The following CEP126 variants were observed in gnomAD, a reference collection of about 807,000 sequenced individuals.
The protein encoded by CEP126 is centrosomal protein of 126 kDa.
In CEP126, 74 loss-of-function variants were observed where a neutral mutation model predicts 107.8. The observed-to-expected ratio is 0.69, with a 90% CI of 0.57 to 0.83. The LOEUF (loss-of-function observed/expected upper bound fraction) is 0.83. Among genes scored for constraint, CEP126 ranks in the 40% least tolerant of loss-of-function variants. The pLI, the probability that CEP126 is intolerant of heterozygous loss-of-function variation, is 0.00. For missense variants in CEP126, 1,237 were observed against 1,281.9 expected, an observed-to-expected ratio of 0.96 and a Z score of 0.53; for synonymous variants, 449 against 446.0, an observed-to-expected ratio of 1.01 and a Z score of -0.08.
At chr11:101,968,784 G>T (rs10895232) in intron 6 of CEP126, among the ~76,000 whole-genome samples, 1 of 152,092 alleles carries the variant, frequency 6.6e-6, no homozygotes, top group Admixed American at 6.5e-5. Flanking sequence ...GAGAAATTTT[G>T]TAGGAAAATG....
At chr11:101,926,433 A>G (rs1455195388) in intron 2 of CEP126, among the ~76,000 whole-genome samples, 1 of 152,272 alleles carries the variant, frequency 6.6e-6, no homozygotes, top group African/African-American at 2.4e-5. Context: ...CAGTGTTGAT[A>G]GTACACGTTA....
Position 101,955,427 on chromosome 11 carries a change from G to A in CEP126, c.507-2741G>A, listed in dbSNP as rs765232558. ...AGTGTGGCAGTTGATCCTGAACTAC[G>A]TGCTACACTGAGAAATCTGGCCAGA... On this transcript the variant is annotated intron_variant, in intron 4 of 10. Transcript: ENST00000263468. Among the ~76,000 whole-genome samples the A allele has an allele frequency of 2.6e-4, 40 of 152,096 alleles. 1 individual carries two copies. Among genetic ancestry groups the A allele is most frequent in the Non-Finnish European group, 4.4e-4 (30 of 68,012 alleles).
intron 4 of CEP126, chr11:101,956,426 G>A: frequency 2.2e-6 from 1 of 456,310 alleles, no homozygotes; most frequent in African/African-American, 2.0e-5. Context: ...CCAGCAATCT[G>A]TTCCACAAGC....
At chr11:101,990,522 T>C (rs896234015) in intron 9 of CEP126, among the ~76,000 whole-genome samples, 4 of 151,160 alleles carry the variant, frequency 2.6e-5, no homozygotes, top group Non-Finnish European at 4.4e-5. Context: ...GGTGGGAGGG[T>C]CTAAAATTCT....
intron 6 of CEP126, among the ~76,000 whole-genome samples, chr11:101,968,478 T>C (rs1941086094): frequency 6.6e-6 from 1 of 152,124 alleles, no homozygotes; most frequent in Admixed American, 6.5e-5. Flanking sequence ...GGAGATTAGA[T>C]AGAATAAATG....
chr11:101,944,562 TA>T (rs1940710949), intron 3 of CEP126, 152 bp downstream of exon 3: 1 of 687,672 alleles, frequency 1.5e-6, no homozygotes, highest in African/African-American at 1.9e-5. Flanking sequence ...CAAAGAAAAA[TA>T]GTCAATTGAT....
In CEP126 at chr11:101,922,938, G is replaced by T. The variant is rs1346414814; in HGVS notation, c.248+178G>T. Among the ~76,000 whole-genome samples the T allele has an allele frequency of 2.0e-5, 3 of 152,262 alleles. No homozygotes were observed. In the East Asian group the frequency reaches 5.8e-4, roughly 29 times the overall value. ...TTGTTTTCCTTCCCAAAGCACAAGG[G>T]TGGTGGTGTATTATCTAGGTCTCTG... On this transcript the variant is annotated intron_variant, in intron 2 of 10. Coordinates refer to ENST00000263468, the MANE Select transcript of CEP126 (RefSeq NM_020802.4).
At chr11:101,964,568 A>G (rs1168545372) in intron 6 of CEP126, among the ~76,000 whole-genome samples, 1 of 150,310 alleles carries the variant, frequency 6.7e-6, no homozygotes, top group African/African-American at 2.4e-5. Context: ...GCCCAGGAGG[A>G]GGAGGTTTCA....
At chr11:101,994,062 T>C (rs1941415624) in intron 10 of CEP126, among the ~76,000 whole-genome samples, 1 of 152,102 alleles carries the variant, frequency 6.6e-6, no homozygotes, top group African/African-American at 2.4e-5. Context: ...GGTGAAACCC[T>C]GTCTCTACTA....
chr11:101,917,177 A>G (rs376824743), intron 1 of CEP126, among the ~76,000 whole-genome samples: 139 of 152,222 alleles, frequency 9.1e-4, no homozygotes, highest in African/African-American at 3.1e-3. Flanking sequence ...TGAACATAAT[A>G]AAGATTATAA....
chr11:101,949,180 C>A (rs1940778085), intron 4 of CEP126, among the ~76,000 whole-genome samples: 1 of 152,100 alleles, frequency 6.6e-6, no homozygotes, highest in Non-Finnish European at 1.5e-5. Flanking sequence ...AGTATGTGTA[C>A]ATCATAGAAT....
rs1168987245 is a variant in CEP126 at position 101,963,635 on chromosome 11, A to G, written c.2600A>G (p.Asp867Gly). Residue 867 changes from aspartate (D) to glycine (G), a missense_variant, in exon 6 of 11, where the codon GAC (aspartate) becomes GGC (glycine). Asp to Gly is a moderately conservative substitution (Grantham distance 94). Around this residue, in one of 3 missense-constraint regions of CEP126, gnomAD observed 1,134 missense variants for 1,150.5 expected, o/e 0.99. Transcript: ENST00000263468. Reference protein sequence around the residue: ...SSSPLSNACSDLVTVIPSLPS... With the variant: ...SSSPLSNACSGLVTVIPSLPS... ...TCTCCACTCTCAAATGCTTGTTCTG[A>G]CCTAGTCACTGTGATACCATCACTG... 1 of 1,614,018 alleles carries G rather than the reference A, an allele frequency of 6.2e-7. No homozygotes were observed. Among genetic ancestry groups the G allele is most frequent in the African/African-American group, 1.3e-5 (1 of 74,922 alleles).
chr11:101,959,824 G>A (rs1297373291), intron 5 of CEP126, among the ~76,000 whole-genome samples: 4 of 152,098 alleles, frequency 2.6e-5, no homozygotes, highest in African/African-American at 7.2e-5. Context: ...TGAAAACATA[G>A]CAATAGAAAT....
At chr11:101,982,406 T>C (rs143856140) in intron 8 of CEP126, among the ~76,000 whole-genome samples, 3 of 152,348 alleles carry the variant, frequency 2.0e-5, no homozygotes, top group Admixed American at 1.3e-4. Flanking sequence ...GTATGTCAAC[T>C]TGAGGTAGAA....
chr11:101,972,438 ACCTACAG>A (rs1941142818), intron 6 of CEP126, among the ~76,000 whole-genome samples: 1 of 148,506 alleles, frequency 6.7e-6, no homozygotes, highest in Non-Finnish European at 1.5e-5. Flanking sequence ...AAAAAACAAT[ACCTACAG>A]AGCCCCATAT....
intron 1 of CEP126, among the ~76,000 whole-genome samples, chr11:101,917,780 G>C (rs1015303481): frequency 2.0e-5 from 3 of 151,700 alleles, no homozygotes; most frequent in Non-Finnish European, 4.4e-5. Flanking sequence ...CAACATCTTT[G>C]GCTATTTGTA....
At position 101,992,848 on chromosome 11, in the gene CEP126, T is replaced by C. The variant is rs1218054756; in HGVS notation, c.3309+6T>C. The stretch of plus-strand genomic sequence containing the variant: ...TACAAATAATACCACTTCTGGTAAG[T>C]ATTTGAAGAAGCTCTTTTTTTCTTG... On this transcript the variant is annotated splice_donor_region_variant and intron_variant, in intron 10 of 10. Coordinates refer to ENST00000263468, the MANE Select transcript of CEP126 (RefSeq NM_020802.4). 1.3e-6 allele frequency: 2 copies of C among 1,520,944 alleles called. No individual in the cohort carries two copies. The highest frequency in any genetic ancestry group is 2.4e-5 in the East Asian group (1 of 40,870). The allele number at this position is 1,520,944 out of a possible 1,614,324, so 94.2% of individuals were successfully genotyped here.
At chr11:101,985,497 G>A (rs1264197854) in intron 8 of CEP126, among the ~76,000 whole-genome samples, 2 of 151,988 alleles carry the variant, frequency 1.3e-5, no homozygotes, top group Non-Finnish European at 2.9e-5. Context: ...TGGCCAGGCT[G>A]GTCTTGAACT....
At position 101,999,369 on chromosome 11, in the gene CEP126, C is replaced by T. The variant is rs1941480507; in HGVS notation, c.*1726C>T. ...TATATATGTACACAGCAGCATCCTG[C>T]ATGCCAAAGTAGCTTCACCGTTAGT... On this transcript the variant is annotated 3_prime_UTR_variant, in exon 11 of 11. Coordinates refer to ENST00000263468, the MANE Select transcript of CEP126 (RefSeq NM_020802.4). 1 of 150,904 alleles carries T rather than the reference C, an allele frequency of 6.6e-6. No homozygotes were observed. The highest frequency in any genetic ancestry group is 6.6e-5 in the Admixed American group (1 of 15,044). 9.3% of individuals were successfully genotyped at this position (150,904 alleles called of 1,614,324 possible). A position where few individuals can be genotyped will look rare whatever the true frequency, so the allele number is the denominator to read the frequency against.
Sources: gnomAD v4.1 joint callset for allele counts (sites outside exome capture counted in the v4.1 genomes callset) on GRCh38, gnomAD v4.1.1 for gene constraint, gnomAD v4.1.1 regional missense constraint, MANE v1.5 for transcripts, NCBI Gene and HGNC (gene_info 2026-07-23, HGNC 2026-07-21) for gene names.